The following TANC2 variants were observed in gnomAD, a reference collection of about 807,000 sequenced individuals.
TANC2 encodes tetratricopeptide repeat, ankyrin repeat and coiled-coil containing 2.
Under a neutral mutation model 210.5 loss-of-function variants are expected in TANC2, and 26 were observed. The observed-to-expected ratio is 0.12, with a 90% CI of 0.09 to 0.17. TANC2 has a LOEUF of 0.17. Among genes scored for constraint, TANC2 ranks in the 10% least tolerant of loss-of-function variants. TANC2 has a pLI of 1.00. For missense variants in TANC2, 2,129 were observed against 2,608.9 expected (o/e 0.82, Z 4.01); for synonymous variants, 931 against 967.1 (o/e 0.96, Z 0.69).
chr17:63,150,108 G>T (rs2039596735), intron 4 of TANC2: 1 of 152,104 alleles, frequency 6.6e-6, no homozygotes, highest in Non-Finnish European at 1.5e-5. Context: ...TTTTTACAGG[G>T]TCTTTTAGGA....
At chr17:63,224,956 A>C (rs1054222280) in intron 7 of TANC2, among the ~76,000 whole-genome samples, 5 of 152,216 alleles carry the variant, frequency 3.3e-5, no homozygotes, top group African/African-American at 1.2e-4. Flanking sequence ...ATCCTCATAT[A>C]GATCTCCTTT....
At chr17:63,198,094 A>G (rs1186726466) in intron 6 of TANC2, among the ~76,000 whole-genome samples, 1 of 152,244 alleles carries the variant, frequency 6.6e-6, no homozygotes, top group African/African-American at 2.4e-5. Flanking sequence ...TATTATGCAT[A>G]TAATATGATT....
At chr17:63,305,405 G>T (rs1407595576) in intron 9 of TANC2, 1 of 152,290 alleles carries the variant, frequency 6.6e-6, no homozygotes, top group Non-Finnish European at 1.5e-5. Context: ...CACATAGTCA[G>T]TTCTGATGAT....
intron 5 of TANC2, among the ~76,000 whole-genome samples, chr17:63,173,283 A>G (rs1032883453): frequency 2.0e-5 from 3 of 152,232 alleles, no homozygotes; most frequent in African/African-American, 7.2e-5. Context: ...ATATAAAAAT[A>G]GAACTCTGTC....
chr17:63,229,524 A>G (rs1219868539), intron 7 of TANC2, among the ~76,000 whole-genome samples: 1 of 150,074 alleles, frequency 6.7e-6, no homozygotes, highest in Non-Finnish European at 1.5e-5. Context: ...TACCTCTGAT[A>G]GAATTCAGCT....
chr17:63,256,029 C>T (rs1370610239), intron 8 of TANC2, among the ~76,000 whole-genome samples: 5 of 151,498 alleles, frequency 3.3e-5, no homozygotes, highest in South Asian at 2.1e-4. Flanking sequence ...CCTTAGCCTC[C>T]GGAGTAGCTG....
chr17:63,055,998 T>A (rs1308104436), intron 2 of TANC2, among the ~76,000 whole-genome samples: 44 of 31,996 alleles, frequency 1.4e-3, no homozygotes, highest in African/African-American at 3.8e-3. Flanking sequence ...AAAATATATA[T>A]ATATATATAT....
At chr17:62,990,276 GA>G (rs944939217) in intron 1 of TANC2, among the ~76,000 whole-genome samples, 16 of 151,782 alleles carry the variant, frequency 1.1e-4, no homozygotes, top group African/African-American at 3.1e-4. Flanking sequence ...AGAGGACACT[GA>G]AAAAGGAATT....
intron 2 of TANC2, among the ~76,000 whole-genome samples, chr17:63,034,533 A>G (rs961633348): frequency 2.6e-5 from 4 of 152,216 alleles, no homozygotes; most frequent in Admixed American, 2.0e-4. Flanking sequence ...TTTCAAGGCT[A>G]TAGCTGCCAT....
At chr17:63,125,849 T>G (rs2145176994) in intron 4 of TANC2, among the ~76,000 whole-genome samples, 1 of 152,350 alleles carries the variant, frequency 6.6e-6, no homozygotes, top group East Asian at 1.9e-4. Flanking sequence ...TAGCATTTAT[T>G]ACAAATTTAA....
intron 8 of TANC2, among the ~76,000 whole-genome samples, chr17:63,260,916 A>G (rs2043337002): frequency 6.6e-6 from 1 of 152,056 alleles, no homozygotes; most frequent in African/African-American, 2.4e-5. Context: ...TTTTAACAGA[A>G]TAAGGGTTGA....
At chr17:63,281,708 G>A (rs576383060) in intron 9 of TANC2, among the ~76,000 whole-genome samples, 1 of 152,136 alleles carries the variant, frequency 6.6e-6, no homozygotes, top group South Asian at 2.1e-4. Flanking sequence ...TTGGAACTAA[G>A]ACCTTGCAGG....
chr17:63,388,746 C>A, exon 16 of TANC2: 1 of 1,537,070 alleles, frequency 6.5e-7, no homozygotes, highest in Non-Finnish European at 8.8e-7. Flanking sequence ...TCTCTACACT[C>A]CAAATATAAA....
rs1555571195 is a variant in TANC2, at chr17:63,098,515, G to GTGTATATATATA, written c.140-659_140-658insGTATATATATAT. Among the ~76,000 whole-genome samples the GTGTATATATATA allele has an allele frequency of 7.9e-5, 10 of 126,730 alleles. 1 individual carries two copies. Among genetic ancestry groups the GTGTATATATATA allele is most frequent in the African/African-American group, 2.3e-4 (8 of 34,902 alleles). The allele number at this position is 126,730 out of a possible 152,430, so 83.1% of individuals were successfully genotyped here. A position where few individuals can be genotyped will look rare whatever the true frequency, so the allele number is the denominator to read the frequency against. On this transcript the variant is annotated intron_variant, in intron 3 of 27. Coordinates refer to ENST00000689528, the Ensembl canonical transcript of TANC2. Reference sequence around the variant, plus strand: ...TCTCTCTCTCTCTCTCTCTCTGTGTGTATATATATATATATATATGTAAAA... The same window carrying GTGTATATATATA: ...TCTCTCTCTCTCTCTCTCTCTGTGTGTGTATATATATATATATATATATATATATATGTAAAA...
At chr17:63,411,332 GC>G (rs749350893) in intron 21 of TANC2, among the ~76,000 whole-genome samples, 178 bp from the exon 22 acceptor site, 12 of 152,216 alleles carry the variant, frequency 7.9e-5, no homozygotes, top group Non-Finnish European at 1.3e-4. Context: ...TTTATTGAAA[GC>G]TTATAGGATG....
At chr17:63,097,022 A>G (rs957713903) in intron 3 of TANC2, among the ~76,000 whole-genome samples, 1 of 150,748 alleles carries the variant, frequency 6.6e-6, no homozygotes. Context: ...AGAAATGTTT[A>G]TTCAAGTACT....
intron 9 of TANC2, among the ~76,000 whole-genome samples, chr17:63,304,984 C>T (rs1203713062): frequency 6.6e-6 from 1 of 152,234 alleles, no homozygotes; most frequent in South Asian, 2.1e-4. Flanking sequence ...CGCCCATCCC[C>T]TGCCCAGGGA....
Position 63,420,814 on chromosome 17 carries a change from A to G in TANC2, c.5084A>G (p.Gln1695Arg). Residue 1695 changes from glutamine to arginine, a missense_variant, in exon 28 of 28, where the codon CAG (glutamine) becomes CGG (arginine). Gln to Arg is a conservative substitution (Grantham distance 43). Transcript: ENST00000689528. The surrounding 1 kb of genome is among the most constrained non-coding windows in gnomAD (Gnocchi z 4.2). ...CTCAGGCTACAGCCTGCCAAGGCCC[A>G]GATTGTGAGAAGTAACCAGCCCAGC... 1 of 1,613,928 alleles carries G rather than the reference A, an allele frequency of 6.2e-7. No homozygotes were observed. The highest frequency in any genetic ancestry group is 8.5e-7 in the Non-Finnish European group (1 of 1,179,862).
intron 11 of TANC2, among the ~76,000 whole-genome samples, chr17:63,328,410 T>G (rs903589218): frequency 3.4e-5 from 5 of 146,630 alleles, no homozygotes; most frequent in African/African-American, 1.1e-4. Flanking sequence ...GTGTGTGTAT[T>G]CATTGTGTGT....
Sources: allele counts gnomAD v4.1 joint callset (sites outside exome capture counted in the v4.1 genomes callset), GRCh38; gene constraint gnomAD v4.1.1; non-coding constraint Gnocchi (gnomAD v3.1); transcripts MANE v1.5; gene names NCBI Gene and HGNC (gene_info 2026-07-23, HGNC 2026-07-21).